The following TLE1 variants were observed in gnomAD, a reference collection of about 807,000 sequenced individuals.
TLE1 encodes transducin-like enhancer protein 1.
TLE1 carries 21 observed loss-of-function variants against 89.8 expected under a neutral mutation model. That is an observed-to-expected ratio of 0.23 (90% CI 0.17 to 0.34). The LOEUF (loss-of-function observed/expected upper bound fraction) is 0.34. TLE1 is among the 10% of genes least tolerant of loss of function. The pLI, the probability that TLE1 is intolerant of heterozygous loss-of-function variation, is 1.00. For missense variants in TLE1, 795 were observed against 1,031.2 expected, an observed-to-expected ratio of 0.77 and a Z score of 3.14; for synonymous variants, 447 against 407.6, an observed-to-expected ratio of 1.10 and a Z score of -1.16.
intron 4 of TLE1, among the ~76,000 whole-genome samples, chr9:81,654,592 C>T (rs910865641): frequency 4.6e-5 from 7 of 151,852 alleles, no homozygotes; most frequent in Admixed American, 2.6e-4. Flanking sequence ...CCGCCCGCCT[C>T]GGCCTCCCAA....
chr9:81,602,305 G>A (rs1401237769), intron 14 of TLE1, among the ~76,000 whole-genome samples: 1 of 152,084 alleles, frequency 6.6e-6, no homozygotes, highest in East Asian at 1.9e-4. Flanking sequence ...AGGGCACGTC[G>A]GTTTATACAG....
chr9:81,648,414 C>A (rs1397071060), intron 6 of TLE1, among the ~76,000 whole-genome samples: 7 of 151,966 alleles, frequency 4.6e-5, no homozygotes, highest in Non-Finnish European at 1.0e-4. Flanking sequence ...GGAAACCACC[C>A]CCTTATTGTG....
At chr9:81,625,027 T>C (rs1229559437) in intron 8 of TLE1, among the ~76,000 whole-genome samples, 1 of 152,076 alleles carries the variant, frequency 6.6e-6, no homozygotes, top group Admixed American at 6.6e-5. Flanking sequence ...AAAGAAAAGA[T>C]CCTCCTAGAA....
At chr9:81,625,663 C>T (rs114598655) in intron 8 of TLE1, among the ~76,000 whole-genome samples, 1,625 of 152,176 alleles carry the variant, frequency 0.011, 25 homozygotes, top group African/African-American at 0.037. Flanking sequence ...CACCCAGTGG[C>T]GTCAAAAGAA....
At chr9:81,640,529 G>A (rs1189598876) in intron 6 of TLE1, among the ~76,000 whole-genome samples, 2 of 152,168 alleles carry the variant, frequency 1.3e-5, no homozygotes, top group African/African-American at 4.8e-5. Flanking sequence ...AGAGATCAGT[G>A]CACTTGCTCT....
chr9:81,676,758 C>T (rs548820808), intron 4 of TLE1, among the ~76,000 whole-genome samples: 1 of 152,320 alleles, frequency 6.6e-6, no homozygotes, highest in East Asian at 1.9e-4. Flanking sequence ...CTTAAAGATG[C>T]TCCCTTTCCA....
chr9:81,593,715 G>A (rs1005986764), intron 14 of TLE1, among the ~76,000 whole-genome samples: 1 of 152,062 alleles, frequency 6.6e-6, no homozygotes, highest in African/African-American at 2.4e-5. Context: ...ATTAAACAGA[G>A]TAGATATATT....
rs1830339890 is a variant in TLE1 at position 81,597,204 on chromosome 9, A to G, written c.1332-3930T>C. Among the ~76,000 whole-genome samples the G allele has an allele frequency of 2.0e-5, 3 of 152,266 alleles. No homozygotes were observed. In the South Asian group the frequency reaches 6.2e-4, roughly 32 times the overall value. ...AAGGATTAAAGTGGTAACAGCTGCAAAACACTTAACACAGCACTTGACACC... is the reference window on the plus strand; with the variant it reads ...AAGGATTAAAGTGGTAACAGCTGCAGAACACTTAACACAGCACTTGACACC... On this transcript the variant is annotated intron_variant, in intron 14 of 19. Coordinates refer to ENST00000376499, the MANE Select transcript of TLE1 (RefSeq NM_005077.5).
At position 81,584,213 on chromosome 9, in the gene TLE1, A is replaced by G; in HGVS notation, c.2298T>C (p.Tyr766=). 6.2e-7 allele frequency: 1 copy of G among 1,614,124 alleles called. No individual in the cohort carries two copies. ...CATAATGTTTTCAGTAGATGACTTC[A>G]TAGACTGTAGCCTTCTTGTCCCCCG... ...TGSGDKKATV[Y]EVIY The change falls in exon 20 of 20, where the codon TAT becomes TAC. Residue 766 remains tyrosine (Y), a synonymous_variant. Coordinates refer to ENST00000376499, the MANE Select transcript of TLE1 (RefSeq NM_005077.5).
intron 4 of TLE1, among the ~76,000 whole-genome samples, chr9:81,682,093 AG>A (rs1489596789): frequency 6.6e-6 from 1 of 152,070 alleles, no homozygotes; most frequent in Non-Finnish European, 1.5e-5. Context: ...TACAAAAAAA[AG>A]AAAAAAAAAG....
At chr9:81,664,511 A>G (rs751474138) in intron 4 of TLE1, among the ~76,000 whole-genome samples, 10 of 152,172 alleles carry the variant, frequency 6.6e-5, no homozygotes, top group Non-Finnish European at 1.2e-4. Flanking sequence ...GCTTTTGTTT[A>G]AAATATAATT....
intron 11 of TLE1, among the ~76,000 whole-genome samples, chr9:81,614,602 T>C (rs967031774): frequency 6.6e-6 from 1 of 152,164 alleles, no homozygotes; most frequent in African/African-American, 2.4e-5. Context: ...TGTTAAGTTA[T>C]TCATCCCTCC....
At chr9:81,657,927 T>TTTC (rs1323724108) in intron 4 of TLE1, among the ~76,000 whole-genome samples, 13 of 144,454 alleles carry the variant, frequency 9.0e-5, no homozygotes, top group African/African-American at 2.6e-4. Flanking sequence ...TTTTTTTTTT[T>TTTC]AAGACAGAGT....
intron 8 of TLE1, among the ~76,000 whole-genome samples, chr9:81,630,363 C>T (rs1014329896): frequency 6.6e-6 from 1 of 152,158 alleles, no homozygotes; most frequent in African/African-American, 2.4e-5. Context: ...TGTAGACATA[C>T]ATAACAATGC....
Position 81,688,255 on chromosome 9 carries a change from C to G in TLE1, c.-15G>C, listed in dbSNP as rs1286697820. The G allele has an allele frequency of 6.3e-7, 1 of 1,578,954 alleles. No homozygotes were observed. The highest frequency in any genetic ancestry group is 8.6e-7 in the Non-Finnish European group (1 of 1,164,524). ...TGCGGGAACATCGCTCTGGCGGCGG[C>G]CGGGGCTCTGTTCCCCGGCAACTCA... On this transcript the variant is annotated 5_prime_UTR_variant, in exon 1 of 20. Coordinates refer to ENST00000376499, the MANE Select transcript of TLE1 (RefSeq NM_005077.5).
chr9:81,593,413 C>T (rs1021296584), intron 14 of TLE1, 139 bp from the exon 15 acceptor site: 4 of 1,202,752 alleles, frequency 3.3e-6, no homozygotes, highest in African/African-American at 3.1e-5. Context: ...GAAATCAATA[C>T]AAATTGAAGC....
chr9:81,628,429 TTTTC>T (rs1463807325), intron 8 of TLE1, among the ~76,000 whole-genome samples: 3 of 152,134 alleles, frequency 2.0e-5, no homozygotes, highest in African/African-American at 4.8e-5. Flanking sequence ...TGAACGTGAT[TTTTC>T]TTTTTTTTTC....
intron 9 of TLE1, 109 bp downstream of exon 9, chr9:81,620,332 A>G: frequency 1.2e-6 from 1 of 862,596 alleles, no homozygotes. Context: ...TCCTCTTTAC[A>G]GTATTATGTT....
chr9:81,604,881 C>T (rs1299570752), intron 14 of TLE1, among the ~76,000 whole-genome samples: 2 of 152,166 alleles, frequency 1.3e-5, no homozygotes, highest in African/African-American at 2.4e-5. Context: ...CCCACGAAGT[C>T]TTTCTGACCC....
Sources: allele counts gnomAD v4.1 joint callset (sites outside exome capture counted in the v4.1 genomes callset), GRCh38; gene constraint gnomAD v4.1.1; transcripts MANE v1.5; gene names NCBI Gene and HGNC (gene_info 2026-07-23, HGNC 2026-07-21).